OCA2: variants seen among roughly 807,000 people sequenced by gnomAD.
The protein encoded by OCA2 is P protein.
Under a neutral mutation model 100.2 loss-of-function variants are expected in OCA2, and 77 were observed. That is an observed-to-expected ratio of 0.77 (90% CI 0.64 to 0.93). The LOEUF (loss-of-function observed/expected upper bound fraction) is 0.93. OCA2 is among the 40% of genes least tolerant of loss of function. The pLI is 0.00. For synonymous variants in OCA2, 432 were observed against 439.2 expected, an observed-to-expected ratio of 0.98 and a Z score of 0.21; for missense variants, 1,062 against 1,089.1, an observed-to-expected ratio of 0.98 and a Z score of 0.35.
intron 21 of OCA2, among the ~76,000 whole-genome samples, chr15:27,860,167 A>C (rs2036079469): frequency 6.6e-6 from 1 of 152,224 alleles, no homozygotes; most frequent in Admixed American, 6.5e-5. Context: ...AGGGAGGATG[A>C]GGTTGTCAAT....
rs551962432 is a variant in OCA2 at position 27,967,262 on chromosome 15, G to T, written c.1504-440C>A. Among the ~76,000 whole-genome samples, 4 of 152,322 alleles carry T rather than the reference G, an allele frequency of 2.6e-5. No individual in the cohort carries two copies. In the South Asian group the frequency reaches 8.3e-4, roughly 32 times the overall value. Reference sequence around the variant, plus strand: ...ACCAGGAGTTCCAGGACCTTAGGCAGAGGTCCTGGAGCCCAACACAAAGCC... The same window carrying T: ...ACCAGGAGTTCCAGGACCTTAGGCATAGGTCCTGGAGCCCAACACAAAGCC... On this transcript the variant is annotated intron_variant, in intron 14 of 23. Coordinates refer to ENST00000354638, the MANE Select transcript of OCA2 (RefSeq NM_000275.3).
chr15:27,725,189 C>G, the OCA2 span, among the ~76,000 whole-genome samples: 1 of 152,214 alleles, frequency 6.6e-6, no homozygotes, highest in African/African-American at 2.4e-5. Context: ...GAGCCAACAG[C>G]TAAACTTTTA....
At chr15:27,831,952 C>T (rs535459972) in intron 23 of OCA2, among the ~76,000 whole-genome samples, 1 of 152,214 alleles carries the variant, frequency 6.6e-6, no homozygotes, top group South Asian at 2.1e-4. Context: ...GTGCCCGCTC[C>T]CGAGGCCGTC....
At chr15:28,069,762 C>T (rs1277084827) in intron 2 of OCA2, among the ~76,000 whole-genome samples, 4 of 141,854 alleles carry the variant, frequency 2.8e-5, no homozygotes, top group South Asian at 2.3e-4. Context: ...CAACCTACAC[C>T]TCCCAGCCGC....
intron 9 of OCA2, among the ~76,000 whole-genome samples, chr15:28,006,254 C>T (rs534062510): frequency 1.3e-5 from 2 of 152,266 alleles, no homozygotes; most frequent in Non-Finnish European, 2.9e-5. Context: ...GGCTTCCTTT[C>T]GCCCCACCAC....
chr15:28,049,246 T>A (rs1338892661), intron 2 of OCA2, among the ~76,000 whole-genome samples: 3 of 152,098 alleles, frequency 2.0e-5, no homozygotes, highest in Admixed American at 2.0e-4. Flanking sequence ...CATTAGTCAT[T>A]AGAGAAATGT....
intron 6 of OCA2, among the ~76,000 whole-genome samples, chr15:28,020,017 G>A (rs2042541942): frequency 6.6e-6 from 1 of 152,192 alleles, no homozygotes; most frequent in Non-Finnish European, 1.5e-5. Flanking sequence ...GGAGGACGCA[G>A]CACCCGTCTT....
At chr15:27,982,403 A>G (rs1481360663) in intron 14 of OCA2, among the ~76,000 whole-genome samples, 1 of 152,216 alleles carries the variant, frequency 6.6e-6, no homozygotes, top group East Asian at 1.9e-4. Context: ...TGCCCCTAGC[A>G]TAAACTGCAG....
At chr15:27,972,535 G>A (rs1393313254) in intron 14 of OCA2, among the ~76,000 whole-genome samples, 5 of 152,056 alleles carry the variant, frequency 3.3e-5, no homozygotes, top group African/African-American at 1.2e-4. Context: ...TTTTAATAAT[G>A]GCCATAATGG....
chr15:28,098,612 C>G (rs2045028638), intron 1 of OCA2, among the ~76,000 whole-genome samples: 1 of 152,232 alleles, frequency 6.6e-6, no homozygotes, highest in Non-Finnish European at 1.5e-5. Flanking sequence ...GCCCCAGGCT[C>G]TGATTCGCCC....
intron 18 of OCA2, among the ~76,000 whole-genome samples, chr15:27,938,285 C>T (rs1567129910): frequency 6.6e-6 from 1 of 152,166 alleles, no homozygotes; most frequent in Non-Finnish European, 1.5e-5. Context: ...ACACCTGCCT[C>T]AGCTTACGTG....
chr15:27,951,556 A>T (rs912637968), intron 18 of OCA2, among the ~76,000 whole-genome samples: 5 of 152,148 alleles, frequency 3.3e-5, no homozygotes, highest in Admixed American at 6.5e-5. Flanking sequence ...CATGGCACAG[A>T]GTCTAAGGGG....
intron 19 of OCA2, among the ~76,000 whole-genome samples, chr15:27,882,966 G>A (rs80022263): frequency 2.6e-5 from 4 of 152,336 alleles, no homozygotes; most frequent in African/African-American, 9.6e-5. Flanking sequence ...CCAGTCATCA[G>A]TCAGTCCTCT....
intron 9 of OCA2, among the ~76,000 whole-genome samples, chr15:27,994,474 C>T (rs914372633): frequency 2.0e-5 from 3 of 152,188 alleles, no homozygotes; most frequent in African/African-American, 7.2e-5. Flanking sequence ...TTCCTACACC[C>T]AAACCACTTC....
At chr15:27,832,687 C>G (rs2035006975) in intron 23 of OCA2, among the ~76,000 whole-genome samples, 1 of 152,234 alleles carries the variant, frequency 6.6e-6, no homozygotes, top group Non-Finnish European at 1.5e-5. Context: ...GTTCAGCACA[C>G]AGTATCTGCC....
chr15:27,754,555 C>T (rs965064339), downstream of OCA2, among the ~76,000 whole-genome samples: 1 of 152,174 alleles, frequency 6.6e-6, no homozygotes, highest in African/African-American at 2.4e-5. Context: ...GGTCTTTGTT[C>T]TCATTACCCT....
At chr15:27,785,428 ATAT>A (rs1055468609) in intron 23 of OCA2, among the ~76,000 whole-genome samples, 5 of 152,216 alleles carry the variant, frequency 3.3e-5, no homozygotes, top group African/African-American at 1.2e-4. Context: ...ATGCAAGGGA[ATAT>A]TATTCTGCCA....
At chr15:27,844,879 T>C (rs547802400) in intron 23 of OCA2, 80 bp downstream of exon 23, 2 of 1,013,302 alleles carry the variant, frequency 2.0e-6, no homozygotes, top group Admixed American at 3.7e-5. Flanking sequence ...TATTTTAGCA[T>C]TTAATGTGTT....
At chr15:27,773,312 C>T (rs1174937338) in intron 23 of OCA2, among the ~76,000 whole-genome samples, 1 of 151,878 alleles carries the variant, frequency 6.6e-6, no homozygotes, top group East Asian at 1.9e-4. Context: ...ATCTATATAT[C>T]TCAGTGACAA....
Sources: gnomAD v4.1 joint callset for allele counts (sites outside exome capture counted in the v4.1 genomes callset) on GRCh38, gnomAD v4.1.1 for gene constraint, MANE v1.5 for transcripts, NCBI Gene and HGNC (gene_info 2026-07-23, HGNC 2026-07-21) for gene names.